NUP133: variants seen among roughly 807,000 people sequenced by gnomAD.
The protein encoded by NUP133 is nucleoporin 133.
NUP133 carries 66 observed loss-of-function variants against 146.2 expected under a neutral mutation model. The observed-to-expected ratio is 0.45, with a 90% CI of 0.37 to 0.55. The LOEUF (loss-of-function observed/expected upper bound fraction) is 0.55. Ranked by LOEUF, NUP133 falls within the 20% of genes least tolerant of loss-of-function variation. The pLI is 0.00. For missense variants in NUP133, 1,277 were observed against 1,374.8 expected, an observed-to-expected ratio of 0.93 and a Z score of 1.12; for synonymous variants, 521 against 498.8, an observed-to-expected ratio of 1.04 and a Z score of -0.59.
At chr1:229,444,699 T>C (rs1660264100) in intron 25 of NUP133, among the ~76,000 whole-genome samples, 1 of 151,982 alleles carries the variant, frequency 6.6e-6, no homozygotes, top group African/African-American at 2.4e-5. Flanking sequence ...ATACAAAAAT[T>C]AGCCAGGCAT....
intron 12 of NUP133, among the ~76,000 whole-genome samples, chr1:229,480,980 C>A (rs956283087): frequency 6.6e-6 from 1 of 151,786 alleles, no homozygotes; most frequent in Non-Finnish European, 1.5e-5. Flanking sequence ...AGGTGTGAAC[C>A]ATCACACCCG....
In NUP133 at chr1:229,498,149, C is replaced by T; in HGVS notation, c.806G>A (p.Ser269Asn). The T allele has an allele frequency of 6.2e-7, 1 of 1,606,162 alleles. No individual in the cohort carries two copies. Among genetic ancestry groups the T allele is most frequent in the South Asian group, 1.1e-5 (1 of 89,396 alleles). Residue 269 changes from serine (S) to asparagine (N), a missense_variant, in exon 6 of 26, where the codon AGT (serine) becomes AAT (asparagine). Physicochemically the swap from Ser to Asn is conservative, Grantham distance 46. Around this residue, in one of 3 missense-constraint regions of NUP133, gnomAD observed 952 missense variants for 1,047.0 expected, o/e 0.91. Transcript: ENST00000261396. ...VSSLFGILSP[S>N]SDLTLSSVLW... ...TTATAAACTTACTGTGAGATCACTA[C>T]TAGGAGATAAAATTCCAAAAAGAGA...
chr1:229,464,040 G>A (rs1266149086), intron 18 of NUP133, among the ~76,000 whole-genome samples: 1 of 152,150 alleles, frequency 6.6e-6, no homozygotes, highest in Non-Finnish European at 1.5e-5. Flanking sequence ...AGCTACCTGG[G>A]AGGCTGAGGC....
intron 1 of NUP133, among the ~76,000 whole-genome samples, chr1:229,507,626 G>A (rs560400719): frequency 6.6e-6 from 1 of 152,264 alleles, no homozygotes; most frequent in East Asian, 1.9e-4. Flanking sequence ...GGTATGTTAG[G>A]CATTAAACAA....
chr1:229,450,447 G>A, intron 23 of NUP133, 78 bp downstream of exon 23: 2 of 667,658 alleles, frequency 3.0e-6, no homozygotes, highest in Non-Finnish European at 5.0e-6. Context: ...TCATTTTCAT[G>A]ATTGACTAAA....
At position 229,466,710 on chromosome 1, in the gene NUP133, T is replaced by C. The variant is rs558744112; in HGVS notation, c.2123A>G (p.Glu708Gly). ...CATAGGTGCATCCCTCAAGACTTGC[T>C]CCTCATGCTCCAGTAAGCACTCACA... ...TICECLLEHE[E>G]QVLRDAPMDS... Residue 708 changes from glutamate (E) to glycine (G), a missense_variant, in exon 16 of 26, where the codon GAG (glutamate) becomes GGG (glycine). Around this residue, in one of 3 missense-constraint regions of NUP133, gnomAD observed 952 missense variants for 1,047.0 expected, o/e 0.91. Coordinates refer to ENST00000261396, the MANE Select transcript of NUP133 (RefSeq NM_018230.3). 17 of 1,613,716 alleles carry C rather than the reference T, an allele frequency of 1.1e-5. No homozygotes were observed. In the South Asian group the frequency reaches 1.9e-4, roughly 18 times the overall value.
intron 9 of NUP133, 83 bp from the exon 10 acceptor site, chr1:229,487,696 T>A: frequency 9.3e-7 from 1 of 1,072,764 alleles, no homozygotes; most frequent in Non-Finnish European, 1.3e-6. Flanking sequence ...TTTTGTACAT[T>A]ATTTCATAAA....
chr1:229,499,865 C>A (rs1261896122), intron 4 of NUP133, 47 bp from the exon 5 acceptor site: 7 of 1,573,248 alleles, frequency 4.4e-6, no homozygotes, highest in East Asian at 2.3e-5. Context: ...AAAGAGGAAC[C>A]CAAAAACCAG....
In NUP133 at chr1:229,506,074, A is replaced by G. The variant is rs1661927662; in HGVS notation, c.267T>C (p.Pro89=). 6.2e-7 allele frequency: 1 copy of G among 1,611,308 alleles called. No individual in the cohort carries two copies. The highest frequency in any genetic ancestry group is 8.5e-7 in the Non-Finnish European group (1 of 1,177,578). ...YDVKTFGSSL[P]VKVMEALTLA... ...ATGTTAGGGCTTCCATGACTTTAACAGGAAGAGAAGATCCAAACGTTTTCA... is the reference window on the plus strand; with the variant it reads ...ATGTTAGGGCTTCCATGACTTTAACGGGAAGAGAAGATCCAAACGTTTTCA... The change falls in exon 2 of 26, where the codon CCT becomes CCC. Residue 89 remains proline, a synonymous_variant. Transcript: ENST00000261396.
At chr1:229,461,818 T>TG (rs1660698116) in intron 19 of NUP133, among the ~76,000 whole-genome samples, 1 of 150,574 alleles carries the variant, frequency 6.6e-6, no homozygotes, top group Non-Finnish European at 1.5e-5. Flanking sequence ...TTTAAAATCA[T>TG]GATCAGTGCA....
chr1:229,455,027 G>A (rs1306623103), intron 21 of NUP133, among the ~76,000 whole-genome samples: 2 of 152,154 alleles, frequency 1.3e-5, no homozygotes, highest in Non-Finnish European at 2.9e-5. Flanking sequence ...ACAAACTGAG[G>A]CGAAGGAGCA....
intron 12 of NUP133, among the ~76,000 whole-genome samples, chr1:229,479,666 C>T (rs1327345175): frequency 2.0e-5 from 3 of 152,050 alleles, no homozygotes; most frequent in African/African-American, 7.2e-5. Context: ...AAGATAAGCT[C>T]GGTTTTGGAT....
chr1:229,492,168 G>A (rs187530444), intron 8 of NUP133, among the ~76,000 whole-genome samples: 1,939 of 151,412 alleles, frequency 0.013, 44 homozygotes, highest in African/African-American at 0.043. Flanking sequence ...GTGCCGGGGC[G>A]TGATCTCGGC....
chr1:229,489,764 G>A (rs145701460), intron 9 of NUP133, among the ~76,000 whole-genome samples, 191 bp downstream of exon 9: 85 of 152,306 alleles, frequency 5.6e-4, no homozygotes, highest in African/African-American at 1.9e-3. Flanking sequence ...CCAGCCACTC[G>A]GGAGGCTGAG....
chr1:229,485,502 A>T (rs947746887), intron 11 of NUP133, among the ~76,000 whole-genome samples: 2 of 152,220 alleles, frequency 1.3e-5, no homozygotes, highest in Non-Finnish European at 2.9e-5. Flanking sequence ...AGTCACACAA[A>T]GTTCTATAAT....
intron 11 of NUP133, 35 bp downstream of exon 11, chr1:229,486,336 C>G: frequency 6.5e-7 from 1 of 1,544,856 alleles, no homozygotes; most frequent in South Asian, 1.2e-5. Context: ...AAATAAATAA[C>G]ATAAAAACTT....
intron 12 of NUP133, among the ~76,000 whole-genome samples, chr1:229,482,702 C>G (rs1661247039): frequency 6.6e-6 from 1 of 152,182 alleles, no homozygotes; most frequent in Non-Finnish European, 1.5e-5. Flanking sequence ...ATACGCGCAT[C>G]TGCTTAGGCA....
intron 13 of NUP133, among the ~76,000 whole-genome samples, 173 bp from the exon 14 acceptor site, chr1:229,475,905 C>T (rs549971697): frequency 3.3e-5 from 5 of 152,182 alleles, no homozygotes; most frequent in Admixed American, 6.5e-5. Flanking sequence ...GTCAAGAGAT[C>T]GAGACCATCC....
At chr1:229,476,699 G>A (rs1661081207) in intron 13 of NUP133, among the ~76,000 whole-genome samples, 2 of 152,198 alleles carry the variant, frequency 1.3e-5, no homozygotes, top group East Asian at 3.9e-4. Flanking sequence ...CAAAGCGGGT[G>A]GACCACCTGA....
Sources: allele counts gnomAD v4.1 joint callset (sites outside exome capture counted in the v4.1 genomes callset), GRCh38; gene constraint gnomAD v4.1.1; regional missense constraint gnomAD v4.1.1; transcripts MANE v1.5; gene names NCBI Gene and HGNC (gene_info 2026-07-23, HGNC 2026-07-21).